COP1: variants seen among roughly 807,000 people sequenced by gnomAD.
The protein encoded by COP1 is E3 ubiquitin-protein ligase COP1.
A neutral mutation model predicts 101.3 loss-of-function variants in COP1; 24 were observed. The observed-to-expected ratio is 0.24, with a 90% CI of 0.17 to 0.33. The LOEUF (loss-of-function observed/expected upper bound fraction) is 0.33. COP1 is among the 10% of genes least tolerant of loss of function. The pLI is 1.00. For missense variants in COP1, 663 were observed against 906.2 expected, an observed-to-expected ratio of 0.73 and a Z score of 3.45; for synonymous variants, 347 against 341.9, an observed-to-expected ratio of 1.01 and a Z score of -0.17.
chr1:176,070,672 A>G (rs1299227833), intron 11 of COP1, among the ~76,000 whole-genome samples: 1 of 152,094 alleles, frequency 6.6e-6, no homozygotes, highest in Admixed American at 6.6e-5. Flanking sequence ...AAAAAAAATA[A>G]AACAAAAAAA....
At chr1:176,130,933 C>T (rs991742688) in intron 8 of COP1, among the ~76,000 whole-genome samples, 3 of 151,620 alleles carry the variant, frequency 2.0e-5, no homozygotes, top group Non-Finnish European at 3.0e-5. Context: ...TTTTCCCTGC[C>T]CCTAATTTTT....
At chr1:175,973,345 T>C (rs1376753675) in intron 18 of COP1, among the ~76,000 whole-genome samples, 1 of 151,964 alleles carries the variant, frequency 6.6e-6, no homozygotes, top group Non-Finnish European at 1.5e-5. Context: ...TAAACTTCTA[T>C]AGTTTGCATG....
chr1:176,070,533 T>C (rs1192847781), intron 11 of COP1, among the ~76,000 whole-genome samples: 3 of 151,904 alleles, frequency 2.0e-5, no homozygotes, highest in Non-Finnish European at 4.4e-5. Context: ...GTGGTGGCAC[T>C]TGCCTGTAAT....
intron 18 of COP1, among the ~76,000 whole-genome samples, chr1:175,971,049 T>A (rs748573156): frequency 1.3e-5 from 2 of 152,142 alleles, no homozygotes; most frequent in African/African-American, 2.4e-5. Flanking sequence ...AACAAAGATA[T>A]ATAGAAGACA....
intron 2 of COP1, among the ~76,000 whole-genome samples, chr1:176,177,173 T>C (rs1697072043): frequency 6.6e-6 from 1 of 151,996 alleles, no homozygotes; most frequent in African/African-American, 2.4e-5. Context: ...AAAAATAAAC[T>C]ACTCATAGTT....
At chr1:176,131,646 G>GA (rs542216748) in intron 8 of COP1, among the ~76,000 whole-genome samples, 3 of 151,572 alleles carry the variant, frequency 2.0e-5, no homozygotes, top group Non-Finnish European at 3.0e-5. Context: ...AATTCTGAAA[G>GA]AAAAAAGATT....
At chr1:176,125,805 T>C (rs979610197) in intron 8 of COP1, among the ~76,000 whole-genome samples, 5 of 152,152 alleles carry the variant, frequency 3.3e-5, no homozygotes, top group Non-Finnish European at 7.4e-5. Flanking sequence ...TATCTGTAGA[T>C]TGCTTGGGTA....
intron 11 of COP1, among the ~76,000 whole-genome samples, chr1:176,070,391 G>A (rs1318549885): frequency 4.7e-5 from 7 of 149,732 alleles, no homozygotes; most frequent in Admixed American, 1.3e-4. Context: ...AGCCAGGCAC[G>A]GTGGCTAACA....
chr1:176,094,724 T>C (rs183778825), intron 9 of COP1, among the ~76,000 whole-genome samples: 31 of 150,104 alleles, frequency 2.1e-4, no homozygotes, highest in African/African-American at 6.8e-4. Flanking sequence ...ATAGGCATAC[T>C]ATGAAGATAA....
intron 3 of COP1, among the ~76,000 whole-genome samples, chr1:176,167,907 C>A (rs565580957): frequency 6.6e-6 from 1 of 152,132 alleles, no homozygotes; most frequent in Admixed American, 6.5e-5. Context: ...CATGTACATA[C>A]AGGATTGAAA....
chr1:176,082,481 C>T (rs376697344), intron 10 of COP1, among the ~76,000 whole-genome samples: 24 of 152,116 alleles, frequency 1.6e-4, no homozygotes, highest in South Asian at 8.3e-4. Flanking sequence ...GTTTGCATGA[C>T]GAAATTTATG....
At chr1:175,978,835 C>A (rs1029600434) in intron 18 of COP1, among the ~76,000 whole-genome samples, 1 of 152,130 alleles carries the variant, frequency 6.6e-6, no homozygotes, top group Non-Finnish European at 1.5e-5. Flanking sequence ...CTTCTCCGCA[C>A]TCATTGAGGA....
At chr1:175,963,623 G>C (rs554823765) in intron 18 of COP1, among the ~76,000 whole-genome samples, 79 of 152,162 alleles carry the variant, frequency 5.2e-4, no homozygotes, top group South Asian at 8.3e-4. Flanking sequence ...TGCCTGGTTG[G>C]TACTTAATAG....
intron 11 of COP1, among the ~76,000 whole-genome samples, chr1:176,068,535 T>A (rs576029723): frequency 6.6e-6 from 1 of 152,340 alleles, no homozygotes; most frequent in African/African-American, 2.4e-5. Context: ...ACATGCCATA[T>A]AAAACACAGA....
At chr1:176,140,286 G>A (rs1035228224) in intron 6 of COP1, among the ~76,000 whole-genome samples, 2 of 152,086 alleles carry the variant, frequency 1.3e-5, no homozygotes, top group Non-Finnish European at 2.9e-5. Flanking sequence ...ATTTCATATG[G>A]TTCAACTTAA....
chr1:175,967,899 G>A (rs918939482), intron 18 of COP1, among the ~76,000 whole-genome samples: 5 of 151,766 alleles, frequency 3.3e-5, no homozygotes, highest in East Asian at 3.9e-4. Context: ...ATGGAGTCTC[G>A]CACCGTCACC....
At chr1:175,970,021 TCTCA>T (rs1034934323) in intron 18 of COP1, among the ~76,000 whole-genome samples, 1 of 152,158 alleles carries the variant, frequency 6.6e-6, no homozygotes, top group Non-Finnish European at 1.5e-5. Flanking sequence ...TAAATTTTAT[TCTCA>T]CTCAATCTTT....
intron 11 of COP1, among the ~76,000 whole-genome samples, chr1:176,057,174 T>C (rs907476287): frequency 2.0e-5 from 3 of 152,198 alleles, no homozygotes; most frequent in African/African-American, 7.2e-5. Flanking sequence ...TTATTATCCA[T>C]TATATTGTCT....
intron 8 of COP1, among the ~76,000 whole-genome samples, chr1:176,120,461 CA>C (rs1220488247): frequency 6.6e-6 from 1 of 151,556 alleles, no homozygotes; most frequent in Non-Finnish European, 1.5e-5. Flanking sequence ...ATAAAGACAT[CA>C]AAAAACGTCA....
Sources: gnomAD v4.1 joint callset for allele counts (sites outside exome capture counted in the v4.1 genomes callset) on GRCh38, gnomAD v4.1.1 for gene constraint, MANE v1.5 for transcripts, NCBI Gene and HGNC (gene_info 2026-07-23, HGNC 2026-07-21) for gene names.